ARHGAP40: variants seen among roughly 807,000 people sequenced by gnomAD.
ARHGAP40 encodes Rho GTPase activating protein 40, also known as rho GTPase-activating protein 40.
In ARHGAP40, 43 loss-of-function variants were observed where a neutral mutation model predicts 73.5. The ratio of observed to expected loss-of-function variants is 0.58; its 90% CI spans 0.46 to 0.75. The LOEUF (loss-of-function observed/expected upper bound fraction) is 0.75, where lower values mean the gene tolerates loss of function less well. Among genes scored for constraint, ARHGAP40 ranks in the 30% least tolerant of loss-of-function variants. ARHGAP40 has a pLI of 0.00. For synonymous variants in ARHGAP40, 300 were observed against 352.8 expected (o/e 0.85, Z 1.68); for missense variants, 734 against 861.8 (o/e 0.85, Z 1.86).
At chr20:38,603,487 A>G (rs1004244626) in intron 1 of ARHGAP40, among the ~76,000 whole-genome samples, 1 of 151,512 alleles carries the variant, frequency 6.6e-6, no homozygotes, top group East Asian at 1.9e-4. Context: ...CTATCCATCT[A>G]TCTATCTATT....
At chr20:38,624,027 G>T (rs1206324040) in intron 2 of ARHGAP40, among the ~76,000 whole-genome samples, 1 of 152,160 alleles carries the variant, frequency 6.6e-6, no homozygotes, top group African/African-American at 2.4e-5. Flanking sequence ...CTCAAGCTTA[G>T]AAGCATAATG....
chr20:38,650,074 A>G (rs2089079867), exon 15 of ARHGAP40: 1 of 361,738 alleles, frequency 2.8e-6, no homozygotes, highest in Non-Finnish European at 5.4e-6. Flanking sequence ...GGGGAGGCCA[A>G]CACTGTAGCC....
chr20:38,647,229 C>T (rs2089060194), intron 13 of ARHGAP40, 103 bp downstream of exon 13: 2 of 1,059,194 alleles, frequency 1.9e-6, no homozygotes, highest in Non-Finnish European at 2.5e-6. Flanking sequence ...TTGGCCTGAC[C>T]TGGCCTTCCC....
At chr20:38,643,723 G>A (rs1366796329) in exon 11 of ARHGAP40, 1 of 1,305,856 alleles carries the variant, frequency 7.7e-7, no homozygotes. Context: ...GAATTCCTCA[G>A]GAAGGTGGTG....
At chr20:38,604,449 A>T (rs1443064073) in intron 1 of ARHGAP40, among the ~76,000 whole-genome samples, 1 of 149,092 alleles carries the variant, frequency 6.7e-6, no homozygotes, top group Non-Finnish European at 1.5e-5. Flanking sequence ...AGGCTGGAGT[A>T]CAATGGCACG....
At chr20:38,611,429 T>TC (rs1378351638) in intron 1 of ARHGAP40, among the ~76,000 whole-genome samples, 1 of 151,044 alleles carries the variant, frequency 6.6e-6, no homozygotes, top group Non-Finnish European at 1.5e-5. Context: ...TTTTTTTTTT[T>TC]TTTTTAGAAA....
rs887532789 is a variant in ARHGAP40 at position 38,606,879 on chromosome 20, T to C, written c.137+4800T>C. Among the ~76,000 whole-genome samples the C allele has an allele frequency of 6.6e-5, 10 of 152,234 alleles. No individual in the cohort carries two copies. The East Asian group carries it at 1.7e-3, about 26-fold the overall frequency. ...ATAAATCACCTACACATGGTTTAAA[T>C]ATGTCAGGGGTAGAAGGACAGCCTG... On this transcript the variant is annotated intron_variant, in intron 1 of 14. Coordinates refer to ENST00000373345, the Ensembl canonical transcript of ARHGAP40.
intron 1 of ARHGAP40, among the ~76,000 whole-genome samples, chr20:38,610,619 T>C (rs1183533206): frequency 6.6e-6 from 1 of 152,200 alleles, no homozygotes; most frequent in African/African-American, 2.4e-5. Flanking sequence ...AGGCGGCATA[T>C]CTTGAAGCCG....
intron 1 of ARHGAP40, among the ~76,000 whole-genome samples, chr20:38,620,385 G>A (rs2088867825): frequency 1.3e-5 from 2 of 152,178 alleles, no homozygotes; most frequent in South Asian, 2.1e-4. Context: ...GTTTCATTTT[G>A]TTTCTGTTCT....
Position 38,643,702 on chromosome 20 carries a change from A to G in ARHGAP40, c.1363-2A>G, listed in dbSNP as rs762411766. ...TGAGGGAGGCTCTGCACCCTTCCCTAGGCACTGCTGGAATTCCTCAGGAAG... is the reference window on the plus strand; with the variant it reads ...TGAGGGAGGCTCTGCACCCTTCCCTGGGCACTGCTGGAATTCCTCAGGAAG... On this transcript the variant is annotated splice_acceptor_variant, in intron 10 of 14. Coordinates refer to ENST00000373345, the Ensembl canonical transcript of ARHGAP40. LOFTEE classifies it high-confidence loss of function. 35 of 1,305,540 alleles carry G rather than the reference A, an allele frequency of 2.7e-5. No individual in the cohort carries two copies. Among genetic ancestry groups the G allele is most frequent in the Non-Finnish European group, 3.4e-5 (34 of 988,994 alleles). The allele number at this position is 1,305,540 out of a possible 1,614,324, so 80.9% of individuals were successfully genotyped here. A position where few individuals can be genotyped will look rare whatever the true frequency, so the allele number is the denominator to read the frequency against.
At chr20:38,612,209 C>T (rs1321443587) in intron 1 of ARHGAP40, among the ~76,000 whole-genome samples, 1 of 152,120 alleles carries the variant, frequency 6.6e-6, no homozygotes, top group South Asian at 2.1e-4. Context: ...TCATTTCCAG[C>T]AATCTCTGAT....
chr20:38,627,683 TTGTG>T (rs754473034), intron 3 of ARHGAP40, among the ~76,000 whole-genome samples: 8 of 104,962 alleles, frequency 7.6e-5, no homozygotes, highest in Non-Finnish European at 1.6e-4. Context: ...GGTGTGTGTG[TTGTG>T]TGTGTGTTGG....
At chr20:38,624,992 CCTTA>C (rs2088891642) in intron 2 of ARHGAP40, among the ~76,000 whole-genome samples, 1 of 152,256 alleles carries the variant, frequency 6.6e-6, no homozygotes, top group Non-Finnish European at 1.5e-5. Flanking sequence ...CCTCCTCCAT[CCTTA>C]CTTGTTCAGC....
At chr20:38,604,664 G>T (rs1301977179) in intron 1 of ARHGAP40, among the ~76,000 whole-genome samples, 1 of 152,078 alleles carries the variant, frequency 6.6e-6, no homozygotes, top group Non-Finnish European at 1.5e-5. Flanking sequence ...AAAGTGCTGG[G>T]ATTACAAGCG....
chr20:38,639,573 C>A (rs985754101), intron 9 of ARHGAP40, among the ~76,000 whole-genome samples, 187 bp downstream of exon 9: 3 of 152,262 alleles, frequency 2.0e-5, no homozygotes, highest in Non-Finnish European at 4.4e-5. Context: ...TACACATGTG[C>A]ACGCGTGTCC....
At position 38,646,816 on chromosome 20, in the gene ARHGAP40, C is replaced by G; in HGVS notation, c.1711-141C>G. ...TGTCTGTGATCTGTGCCCAAGTGTC[C>G]GGTATGCGTGTGTGTGTATCTTGTG... is the stretch of plus-strand genomic sequence containing the variant. On this transcript the variant is annotated intron_variant, in intron 12 of 14. Coordinates refer to ENST00000373345, the Ensembl canonical transcript of ARHGAP40. This position sits in a 1 kb window ranked among gnomAD's most constrained non-coding sequence, Gnocchi z 4.5. The G allele has an allele frequency of 1.5e-6, 1 of 677,834 alleles. No individual in the cohort carries two copies. The highest frequency in any genetic ancestry group is 2.2e-6 in the Non-Finnish European group (1 of 460,148). 42.0% of individuals were successfully genotyped at this position (677,834 alleles called of 1,614,324 possible).
At chr20:38,607,071 A>T (rs1721108496) in intron 1 of ARHGAP40, among the ~76,000 whole-genome samples, 2 of 152,200 alleles carry the variant, frequency 1.3e-5, no homozygotes, top group South Asian at 4.1e-4. Flanking sequence ...AGGGCTTAGT[A>T]CAGTGCCCAC....
At chr20:38,620,134 T>G (rs147484632) in intron 1 of ARHGAP40, among the ~76,000 whole-genome samples, 1 of 152,366 alleles carries the variant, frequency 6.6e-6, no homozygotes, top group Non-Finnish European at 1.5e-5. Context: ...AGTAAAGGTT[T>G]GAAAACCAAA....
chr20:38,627,416 TG>T (rs111607729), intron 3 of ARHGAP40, among the ~76,000 whole-genome samples: 1,379 of 129,850 alleles, frequency 0.011, 13 homozygotes, highest in Middle Eastern at 0.027. Context: ...GTATGTGTGT[TG>T]GGGGTGTGTG....
Sources: gnomAD v4.1 joint callset for allele counts (sites outside exome capture counted in the v4.1 genomes callset) on GRCh38, gnomAD v4.1.1 for gene constraint, Gnocchi (gnomAD v3.1) non-coding constraint, MANE v1.5 for transcripts, NCBI Gene and HGNC (gene_info 2026-07-23, HGNC 2026-07-21) for gene names.